Variants in USP31 observed in about 807,000 individuals in gnomAD.
The protein encoded by USP31 is ubiquitin carboxyl-terminal hydrolase 31.
In USP31, 44 loss-of-function variants were observed where a neutral mutation model predicts 119.4. The ratio of observed to expected loss-of-function variants is 0.37; its 90% confidence interval spans 0.29 to 0.47. The LOEUF is 0.47. Ranked by LOEUF, USP31 falls within the 20% of genes least tolerant of loss-of-function variation. The probability of loss-of-function intolerance (pLI) is 0.99; values close to 1 mark genes in which losing one functional copy is unlikely to be tolerated. For missense variants in USP31, 1,643 were observed against 1,730.2 expected (o/e 0.95, Z 0.89); for synonymous variants, 749 against 705.6 (o/e 1.06, Z -0.97).
intron 1 of USP31, among the ~76,000 whole-genome samples, chr16:23,117,046 G>C (rs1003115528): frequency 1.3e-5 from 2 of 152,146 alleles, no homozygotes; most frequent in Admixed American, 6.5e-5. Context: ...TCCCAAATTT[G>C]AAAATTCAAA....
chr16:23,094,204 T>A (rs138849194), intron 6 of USP31, among the ~76,000 whole-genome samples: 1 of 152,258 alleles, frequency 6.6e-6, no homozygotes, highest in South Asian at 2.1e-4. Flanking sequence ...CTCCCATGCC[T>A]GGCTCGGTGG....
chr16:23,069,749 T>C lies in USP31; in HGVS notation c.2489-133A>G. ...GCATGACCTTCAGAGCCAGCCCATC[T>C]GGGATCAAGGAGTCCCTGTGTGGCT... On this transcript the variant is annotated intron_variant, in intron 15 of 15. Coordinates refer to ENST00000219689, the MANE Select transcript of USP31 (RefSeq NM_020718.4). 8 of 1,230,232 alleles carry C rather than the reference T, an allele frequency of 6.5e-6. No individual in the cohort carries two copies. In the South Asian group the frequency reaches 1.5e-4, roughly 23 times the overall value. The allele number at this position is 1,230,232 out of a possible 1,614,324, so 76.2% of individuals were successfully genotyped here.
chr16:23,110,174 A>C (rs533782050), intron 1 of USP31, among the ~76,000 whole-genome samples: 28 of 152,362 alleles, frequency 1.8e-4, no homozygotes, highest in Middle Eastern at 3.4e-3. Flanking sequence ...CTTTTCTGTA[A>C]ATCTAAAACT....
chr16:23,085,057 G>C, intron 10 of USP31, 68 bp from the exon 11 acceptor site: 1 of 1,568,156 alleles, frequency 6.4e-7, no homozygotes. Flanking sequence ...TACAATTATG[G>C]CTTCATGAAG....
At position 23,117,672 on chromosome 16, in the gene USP31, T is replaced by C. The variant is rs552056961; in HGVS notation, c.634-9489A>G. 4.6e-5 allele frequency among the ~76,000 whole-genome samples: 7 copies of C among 152,028 alleles called. No individual in the cohort carries two copies. The East Asian group carries it at 9.6e-4, about 21-fold the overall frequency. On this transcript the variant is annotated intron_variant, in intron 1 of 15. Transcript: ENST00000219689. ...GGTAAAAACTTTCTGCTAGAAACTA[T>C]GCAGTAGAAAAAGAAAGACTGGATT...
intron 11 of USP31, among the ~76,000 whole-genome samples, chr16:23,083,730 C>T (rs1480441024): frequency 9.7e-6 from 1 of 103,550 alleles, no homozygotes; most frequent in Non-Finnish European, 2.1e-5. Context: ...AAAAAAAAAA[C>T]CCATGTCTTA....
rs1351686058 is a variant in USP31, at chr16:23,062,824, A to G, written c.*5222T>C. 4 of 152,606 alleles carry G rather than the reference A, an allele frequency of 2.6e-5. No homozygotes were observed. The highest frequency in any genetic ancestry group is 7.2e-5 in the African/African-American group (3 of 41,426). 9.5% of individuals were successfully genotyped at this position (152,606 alleles called of 1,614,324 possible). On this transcript the variant is annotated 3_prime_UTR_variant, in exon 16 of 16. Transcript: ENST00000219689. ...CCCTTGTATTTCAAATGGGAGTTTG[A>G]TATCAGTATCTCTCAATTCTTTTTA...
chr16:23,147,516 T>G (rs1185589299), intron 1 of USP31, among the ~76,000 whole-genome samples: 1 of 152,230 alleles, frequency 6.6e-6, no homozygotes, highest in Admixed American at 6.5e-5. Context: ...AATTTCTTAG[T>G]GCATCCTAAA....
chr16:23,076,572 T>C (rs1382577506), intron 13 of USP31, among the ~76,000 whole-genome samples: 1 of 152,182 alleles, frequency 6.6e-6, no homozygotes, highest in Non-Finnish European at 1.5e-5. Context: ...GAAAGATGTG[T>C]CTGGCTTCTA....
intron 6 of USP31, among the ~76,000 whole-genome samples, chr16:23,101,366 A>G (rs1474596337): frequency 6.6e-6 from 1 of 152,184 alleles, no homozygotes; most frequent in Non-Finnish European, 1.5e-5. Context: ...CCAATCTAAG[A>G]AAGAAATGCT....
At chr16:23,088,292 G>C (rs1462563587) in intron 7 of USP31, among the ~76,000 whole-genome samples, 1 of 152,202 alleles carries the variant, frequency 6.6e-6, no homozygotes, top group East Asian at 1.9e-4. Context: ...GTCAGCTCCA[G>C]AGCTATGTCC....
intron 1 of USP31, among the ~76,000 whole-genome samples, chr16:23,139,783 T>G (rs1903300613): frequency 6.6e-6 from 1 of 152,210 alleles, no homozygotes; most frequent in Non-Finnish European, 1.5e-5. Context: ...CCCCATATAT[T>G]CAAATTAAAT....
At chr16:23,105,729 A>G (rs1567237671) in intron 4 of USP31, among the ~76,000 whole-genome samples, 153 bp from the exon 5 acceptor site, 1 of 152,220 alleles carries the variant, frequency 6.6e-6, no homozygotes, top group African/African-American at 2.4e-5. Flanking sequence ...ACTTGGCTCT[A>G]AGCAGAACTG....
At chr16:23,115,481 C>A (rs911652725) in intron 1 of USP31, among the ~76,000 whole-genome samples, 1 of 151,842 alleles carries the variant, frequency 6.6e-6, no homozygotes, top group Non-Finnish European at 1.5e-5. Context: ...ATATCGAGAC[C>A]CTGTCTCTAT....
intron 1 of USP31, among the ~76,000 whole-genome samples, chr16:23,110,952 C>T (rs1902296115): frequency 1.3e-5 from 2 of 152,060 alleles, no homozygotes; most frequent in South Asian, 4.1e-4. Context: ...CATGGTGAAA[C>T]CCCGTCTCTA....
At chr16:23,140,791 C>A (rs1903332273) in intron 1 of USP31, among the ~76,000 whole-genome samples, 1 of 152,150 alleles carries the variant, frequency 6.6e-6, no homozygotes, top group Non-Finnish European at 1.5e-5. Flanking sequence ...AGGTATACAG[C>A]CCCAGCAATC....
rs1296499777 is a variant in USP31 at position 23,134,687 on chromosome 16, A to AG, written c.633+13950_633+13951insC. ...TAGAAACAAAGCTAAAAAAAAAAAA[A>AG]AAAGAAAGAAAGAAAGAAAAATTAT... On this transcript the variant is annotated intron_variant, in intron 1 of 15. Transcript: ENST00000219689. Among the ~76,000 whole-genome samples the AG allele has an allele frequency of 1.6e-4, 25 of 151,682 alleles. No homozygotes were observed. In the South Asian group the frequency reaches 3.5e-3, roughly 21 times the overall value.
In USP31 at chr16:23,149,322, C is replaced by G; in HGVS notation, c.-52G>C. Reference sequence around the variant, plus strand: ...GCGCCCGCCCGCCCGGCCCGCGGCCCCGCCACGGCCGCCGCCGCATCCCGC... The same window carrying G: ...GCGCCCGCCCGCCCGGCCCGCGGCCGCGCCACGGCCGCCGCCGCATCCCGC... On this transcript the variant is annotated 5_prime_UTR_variant, in exon 1 of 16. Coordinates refer to ENST00000219689, the MANE Select transcript of USP31 (RefSeq NM_020718.4). 1 of 1,011,952 alleles carries G rather than the reference C, an allele frequency of 9.9e-7. No individual in the cohort carries two copies. The highest frequency in any genetic ancestry group is 1.2e-6 in the Non-Finnish European group (1 of 849,112). 62.7% of individuals were successfully genotyped at this position (1,011,952 alleles called of 1,614,324 possible).
In USP31 at chr16:23,075,161, C is replaced by T. The variant is rs553810300; in HGVS notation, c.2177-1281G>A. Among the ~76,000 whole-genome samples the T allele has an allele frequency of 1.4e-4, 22 of 152,302 alleles. 1 individual carries two copies. The highest frequency in any genetic ancestry group is 3.4e-3 in the Middle Eastern group (1 of 294). On this transcript the variant is annotated intron_variant, in intron 13 of 15. Coordinates refer to ENST00000219689, the MANE Select transcript of USP31 (RefSeq NM_020718.4). ...CAGGGAAGTTATTTGCAGCTGAGAACTTGCCGGAACCAGAAGGGAAAGAAC... is the reference window on the plus strand; with the variant it reads ...CAGGGAAGTTATTTGCAGCTGAGAATTTGCCGGAACCAGAAGGGAAAGAAC...
Sources: gnomAD v4.1 joint callset for allele counts (sites outside exome capture counted in the v4.1 genomes callset) on GRCh38, gnomAD v4.1.1 for gene constraint, MANE v1.5 for transcripts, NCBI Gene and HGNC (gene_info 2026-07-23, HGNC 2026-07-21) for gene names.